Variants in DUSP19 observed in about 807,000 individuals in gnomAD.
DUSP19 encodes the protein dual specificity protein phosphatase 19.
Under a neutral mutation model 16.6 loss-of-function variants are expected in DUSP19, and 14 were observed. The observed-to-expected ratio is 0.84, with a 90% CI of 0.56 to 1.32. DUSP19 has a LOEUF of 1.32. Among genes scored for constraint, DUSP19 ranks in the 40% most tolerant of loss-of-function variants. DUSP19 has a pLI of 0.00. For missense variants in DUSP19, 258 were observed against 255.9 expected, an observed-to-expected ratio of 1.01 and a Z score of -0.06; for synonymous variants, 81 against 90.5, an observed-to-expected ratio of 0.90 and a Z score of 0.59.
In DUSP19 at chr2:183,099,541, G is replaced by C. The variant is rs1223891400; in HGVS notation, c.*3883G>C. The C allele has an allele frequency of 6.6e-6, 1 of 152,100 alleles. No homozygotes were observed. The highest frequency in any genetic ancestry group is 1.9e-4 in the East Asian group (1 of 5,200). 9.4% of individuals were successfully genotyped at this position (152,100 alleles called of 1,614,324 possible). ...ACTTTTCTATTTCAAGTAAAGCTTT[G>C]AGTTACTTGTTTTTATACATATTCA... On this transcript the variant is annotated 3_prime_UTR_variant, in exon 4 of 4. Coordinates refer to ENST00000354221, the MANE Select transcript of DUSP19 (RefSeq NM_080876.4).
rs182634632 is a variant in DUSP19 at position 183,090,080 on chromosome 2, T to C, written c.426+2888T>C. Among the ~76,000 whole-genome samples, 751 of 152,346 alleles carry C rather than the reference T, an allele frequency of 4.9e-3. 6 individuals are homozygous for C. The highest frequency in any genetic ancestry group is 9.1e-3 in the Non-Finnish European group (621 of 68,014). ...TGAGCCACCATGCCTGGAAGGCTAA[T>C]ATATATTTAGTTTTAGCAATAAAAA... On this transcript the variant is annotated intron_variant, in intron 3 of 3. Transcript: ENST00000354221.
chr2:183,094,133 G>T (rs561995155), intron 3 of DUSP19, among the ~76,000 whole-genome samples: 4 of 152,184 alleles, frequency 2.6e-5, no homozygotes, highest in Non-Finnish European at 5.9e-5. Flanking sequence ...GAAAACAATT[G>T]ATATTTTCCT....
chr2:183,083,655 T>C lies in DUSP19; in HGVS notation c.273+101T>C, dbSNP rs191594979. 3.4e-4 allele frequency: 322 copies of C among 955,992 alleles called. 1 individual carries two copies. The highest frequency in any genetic ancestry group is 4.5e-4 in the Non-Finnish European group (297 of 665,978). The allele number at this position is 955,992 out of a possible 1,614,324, so 59.2% of individuals were successfully genotyped here. On this transcript the variant is annotated intron_variant, in intron 2 of 3. Transcript: ENST00000354221. ...TCCATCTTTGGTATATTATGGAGTT[T>C]ATTTGGTAACATTTTGGCTATCATT...
At chr2:183,086,534 T>C (rs1699663808) in intron 2 of DUSP19, among the ~76,000 whole-genome samples, 1 of 150,770 alleles carries the variant, frequency 6.6e-6, no homozygotes, top group Non-Finnish European at 1.5e-5. Context: ...AGGCCAGGTG[T>C]GGTGGCTTAT....
chr2:183,085,151 T>C (rs1354436299), intron 2 of DUSP19, among the ~76,000 whole-genome samples: 2 of 152,128 alleles, frequency 1.3e-5, no homozygotes, highest in African/African-American at 4.8e-5. Context: ...AATATATAGA[T>C]TTAGGAATCT....
In DUSP19 at chr2:183,099,865, TG is replaced by T. The variant is rs1699851695; in HGVS notation, c.*4210del. The T allele has an allele frequency of 6.6e-6, 1 of 151,680 alleles. No homozygotes were observed. The allele number at this position is 151,680 out of a possible 1,614,324, so 9.4% of individuals were successfully genotyped here. On this transcript the variant is annotated 3_prime_UTR_variant, in exon 4 of 4. Coordinates refer to ENST00000354221, the MANE Select transcript of DUSP19 (RefSeq NM_080876.4). ...TACAAAAATTACCCGGGCATGGTGG[TG>T]GGTGCCTGTAATCCCAGCTTCTTAG...
rs1394188135 is a variant in DUSP19, at chr2:183,078,768, C to T, written c.-166C>T. 6 of 616,524 alleles carry T rather than the reference C, an allele frequency of 9.7e-6. No homozygotes were observed. The highest frequency in any genetic ancestry group is 1.8e-5 in the African/African-American group (1 of 54,120). The allele number at this position is 616,524 out of a possible 1,614,324, so 38.2% of individuals were successfully genotyped here. ...CCTTACATTGCATCGCTGGGATAAA[C>T]GGAGCTGGACGACTCAGTCTCTTGG... is the stretch of plus-strand genomic sequence containing the variant. On this transcript the variant is annotated 5_prime_UTR_variant, in exon 1 of 4. In the 5' UTR this introduces an upstream ATG that the reference lacks. Transcript: ENST00000354221.
At chr2:183,085,357 G>A (rs1320072564) in intron 2 of DUSP19, among the ~76,000 whole-genome samples, 1 of 151,940 alleles carries the variant, frequency 6.6e-6, no homozygotes, top group African/African-American at 2.4e-5. Flanking sequence ...GCCCAAAGAA[G>A]GTAAAACAAA....
At chr2:183,086,067 A>G (rs934943477) in intron 2 of DUSP19, among the ~76,000 whole-genome samples, 4 of 151,944 alleles carry the variant, frequency 2.6e-5, no homozygotes, top group African/African-American at 9.6e-5. Flanking sequence ...CATAGATGCA[A>G]GAGGAGGAGG....
chr2:183,086,415 G>C (rs898869219), intron 2 of DUSP19, among the ~76,000 whole-genome samples: 3 of 152,132 alleles, frequency 2.0e-5, no homozygotes, highest in Non-Finnish European at 4.4e-5. Flanking sequence ...ATAACACTAA[G>C]TTAAACATGG....
At chr2:183,088,914 C>G (rs1007703052) in intron 3 of DUSP19, among the ~76,000 whole-genome samples, 36 of 152,178 alleles carry the variant, frequency 2.4e-4, no homozygotes, top group African/African-American at 8.4e-4. Context: ...TAGATATCAT[C>G]CATATTCATA....
At chr2:183,084,401 TGGG>T in intron 2 of DUSP19, among the ~76,000 whole-genome samples, 1 of 150,848 alleles carries the variant, frequency 6.6e-6, no homozygotes, top group Non-Finnish European at 1.5e-5. Context: ...TACTCCAGAC[TGGG>T]CGACAAAGCA....
chr2:183,085,482 G>A (rs1419509812), intron 2 of DUSP19, among the ~76,000 whole-genome samples: 3 of 152,154 alleles, frequency 2.0e-5, no homozygotes, highest in African/African-American at 7.2e-5. Flanking sequence ...CATGGGACTT[G>A]GTGACAGAGA....
rs1699840096 is a variant in DUSP19 at position 183,099,055 on chromosome 2, T to A, written c.*3397T>A. On this transcript the variant is annotated 3_prime_UTR_variant, in exon 4 of 4. Transcript: ENST00000354221. ...TGTATGAATACAATACTTGGATTTT[T>A]TTTTTTCAGCTTAGACTCTGATAAT... 6.6e-6 allele frequency: 1 copy of A among 152,156 alleles called. No homozygotes were observed. The highest frequency in any genetic ancestry group is 2.4e-5 in the African/African-American group (1 of 41,442). 9.4% of individuals were successfully genotyped at this position (152,156 alleles called of 1,614,324 possible).
intron 1 of DUSP19, among the ~76,000 whole-genome samples, chr2:183,083,211 C>A (rs1699617084): frequency 6.6e-6 from 1 of 152,032 alleles, no homozygotes. Context: ...TATTATTGGG[C>A]TTTTAGTGTT....
chr2:183,079,914 T>TGC (rs1699571397), intron 1 of DUSP19, among the ~76,000 whole-genome samples: 1 of 152,254 alleles, frequency 6.6e-6, no homozygotes, highest in Non-Finnish European at 1.5e-5. Context: ...CTTATCACTA[T>TGC]GCAGCTAAGG....
Position 183,078,872 on chromosome 2 carries a change from G to C in DUSP19, c.-62G>C. 2 of 1,501,432 alleles carry C rather than the reference G, an allele frequency of 1.3e-6. No homozygotes were observed. The highest frequency in any genetic ancestry group is 1.8e-6 in the Non-Finnish European group (2 of 1,093,696). 93.0% of individuals were successfully genotyped at this position (1,501,432 alleles called of 1,614,324 possible). A position where few individuals can be genotyped will look rare whatever the true frequency, so the allele number is the denominator to read the frequency against. On this transcript the variant is annotated 5_prime_UTR_variant, in exon 1 of 4. Transcript: ENST00000354221. ...TTACCTGGGCAATAAGGGACTAGCA[G>C]TTCAGCCGTTTTCTATGCCTGCTGG... is the stretch of plus-strand genomic sequence containing the variant.
chr2:183,088,388 G>T (rs904558463), intron 3 of DUSP19, among the ~76,000 whole-genome samples: 8 of 139,802 alleles, frequency 5.7e-5, no homozygotes, highest in East Asian at 4.2e-4. Context: ...TTTGTTTTTT[G>T]TTTTTTGTGT....
Position 183,086,847 on chromosome 2 carries a change from A to AAG in DUSP19, c.274-175_274-174dup, listed in dbSNP as rs112053945. On this transcript the variant is annotated intron_variant, in intron 2 of 3. Transcript: ENST00000354221. ...CTGCATGATGATAATAATAAGTTAA[A>AAG]AGAGAGAGAGAGAGAGAGAAAACAT... Among the ~76,000 whole-genome samples the AAG allele has an allele frequency of 2.8e-3, 423 of 150,130 alleles. 2 individuals are homozygous for AAG. The highest frequency in any genetic ancestry group is 9.8e-3 in the African/African-American group (400 of 40,846).
Sources: gnomAD v4.1 joint callset for allele counts (sites outside exome capture counted in the v4.1 genomes callset) on GRCh38, gnomAD v4.1.1 for gene constraint, MANE v1.5 for transcripts, NCBI Gene and HGNC (gene_info 2026-07-23, HGNC 2026-07-21) for gene names.